The following RIMS3 variants were observed in gnomAD, a reference collection of about 807,000 sequenced individuals.
RIMS3 encodes the protein regulating synaptic membrane exocytosis protein 3.
A neutral mutation model predicts 29.2 loss-of-function variants in RIMS3; 15 were observed. The ratio of observed to expected loss-of-function variants is 0.51; its 90% confidence interval spans 0.34 to 0.79. The LOEUF (loss-of-function observed/expected upper bound fraction) is 0.79. Among genes scored for constraint, RIMS3 ranks in the 30% least tolerant of loss-of-function variants. The pLI is 0.01. For synonymous variants in RIMS3, 161 were observed against 170.1 expected, an observed-to-expected ratio of 0.95 and a Z score of 0.41; for missense variants, 342 against 421.4, an observed-to-expected ratio of 0.81 and a Z score of 1.65.
In RIMS3 at chr1:40,655,732, C is replaced by T. The variant is rs187401307; in HGVS notation, c.-206-7890G>A. On this transcript the variant is annotated intron_variant, in intron 1 of 7. Coordinates refer to ENST00000372684, the MANE Select transcript of RIMS3 (RefSeq NM_014747.3). Reference sequence around the variant, plus strand: ...AATCTACAGACTCCTAGGCTGGGCACGGTGGCTCACGCCTGTAATCCCAAT... The same window carrying T: ...AATCTACAGACTCCTAGGCTGGGCATGGTGGCTCACGCCTGTAATCCCAAT... Among the ~76,000 whole-genome samples the T allele has an allele frequency of 2.1e-3, 316 of 152,332 alleles. 4 individuals are homozygous for T. The South Asian group carries it at 0.026, about 12-fold the overall frequency.
intron 1 of RIMS3, among the ~76,000 whole-genome samples, chr1:40,660,873 A>C (rs1286751795): frequency 6.6e-6 from 1 of 152,168 alleles, no homozygotes; most frequent in Non-Finnish European, 1.5e-5. Context: ...TTGGCAAATC[A>C]GGACCATGAA....
At chr1:40,651,142 T>C (rs1646629756) in intron 1 of RIMS3, among the ~76,000 whole-genome samples, 1 of 152,228 alleles carries the variant, frequency 6.6e-6, no homozygotes, top group Admixed American at 6.5e-5. Context: ...GTTGAGGTTC[T>C]AACCTCCAGT....
At chr1:40,641,667 G>C in intron 3 of RIMS3, 42 bp downstream of exon 3, 1 of 1,589,946 alleles carries the variant, frequency 6.3e-7, no homozygotes, top group Non-Finnish European at 8.6e-7. Flanking sequence ...TCTTTGCGAA[G>C]TGTCCCCCAC....
At chr1:40,669,991 T>C (rs1263216986), upstream of RIMS3, among the ~76,000 whole-genome samples, 1 of 152,054 alleles carries the variant, frequency 6.6e-6, no homozygotes, top group Non-Finnish European at 1.5e-5. Flanking sequence ...TTCACCCACT[T>C]CTCTCCATCC....
chr1:40,680,203 C>T, the RIMS3 span, among the ~76,000 whole-genome samples: 1 of 151,848 alleles, frequency 6.6e-6, no homozygotes, highest in Non-Finnish European at 1.5e-5. Flanking sequence ...AACAAGAAAG[C>T]AAAACCATGC....
Position 40,655,138 on chromosome 1 carries a change from AGCG to A in RIMS3, c.-206-7299_-206-7297del, listed in dbSNP as rs1311472501. Among the ~76,000 whole-genome samples the A allele has an allele frequency of 2.0e-5, 3 of 152,182 alleles. No homozygotes were observed. The East Asian group carries it at 5.8e-4, about 29-fold the overall frequency. On this transcript the variant is annotated intron_variant, in intron 1 of 7. Coordinates refer to ENST00000372684, the MANE Select transcript of RIMS3 (RefSeq NM_014747.3). ...TCCCAGGGACAAGCAGTCAGCACAA[AGCG>A]GTGGACAAAGCGGGGAGTAGGGGAA... is the stretch of plus-strand genomic sequence containing the variant.
Position 40,624,600 on chromosome 1 carries a change from C to A in RIMS3, c.*1917G>T, listed in dbSNP as rs572545488. ...GAGATAGGAGCCTGGGAGCTAACTC[C>A]GTTCATTTCCTTCCTGCCCTTACCC... On this transcript the variant is annotated 3_prime_UTR_variant, in exon 8 of 8. Transcript: ENST00000372684. 4 of 152,296 alleles carry A rather than the reference C, an allele frequency of 2.6e-5. No individual in the cohort carries two copies. The highest frequency in any genetic ancestry group is 2.0e-4 in the Admixed American group (3 of 15,286). 9.4% of individuals were successfully genotyped at this position (152,296 alleles called of 1,614,324 possible). A position where few individuals can be genotyped will look rare whatever the true frequency, so the allele number is the denominator to read the frequency against.
chr1:40,685,155 G>C, the RIMS3 span, among the ~76,000 whole-genome samples: 2 of 151,432 alleles, frequency 1.3e-5, no homozygotes, highest in Non-Finnish European at 2.9e-5. Context: ...GTGGCTAATG[G>C]GGTACAGAAG....
chr1:40,628,206 G>A (rs2148343237), intron 7 of RIMS3, among the ~76,000 whole-genome samples: 1 of 152,338 alleles, frequency 6.6e-6, no homozygotes, highest in South Asian at 2.1e-4. Context: ...TGAGCCCAGA[G>A]ACTGATCCAC....
intron 3 of RIMS3, among the ~76,000 whole-genome samples, chr1:40,639,076 G>A (rs2148348893): frequency 6.6e-6 from 1 of 152,274 alleles, no homozygotes; most frequent in Non-Finnish European, 1.5e-5. Flanking sequence ...AAGAAGGATG[G>A]GCAGAGGTCT....
Position 40,626,577 on chromosome 1 carries a change from G to A in RIMS3, c.867C>T (p.Ser289=), listed in dbSNP as rs761946586. ...TSSVADSTLG[S]LTRRLSQSSL... ...AAGACTGGGACAGGCGCCTGGTGAG[G>A]GATCCGAGTGTGGAGTCTGCCACTG... The change falls in exon 8 of 8, where the codon TCC becomes TCT. Residue 289 remains serine, a synonymous_variant. Coordinates refer to ENST00000372684, the MANE Select transcript of RIMS3 (RefSeq NM_014747.3). 6 of 1,613,842 alleles carry A rather than the reference G, an allele frequency of 3.7e-6. No homozygotes were observed. Among genetic ancestry groups the A allele is most frequent in the Non-Finnish European group, 5.1e-6 (6 of 1,179,956 alleles).
intron 1 of RIMS3, among the ~76,000 whole-genome samples, chr1:40,649,545 A>C (rs1236602969): frequency 1.3e-5 from 2 of 151,996 alleles, no homozygotes; most frequent in African/African-American, 4.8e-5. Flanking sequence ...CACACACCCC[A>C]CCTCTGAGCA....
chr1:40,638,370 C>A (rs1454478858), intron 3 of RIMS3, among the ~76,000 whole-genome samples: 1 of 152,216 alleles, frequency 6.6e-6, no homozygotes, highest in Non-Finnish European at 1.5e-5. Flanking sequence ...TACGATCCCT[C>A]CACTGGCTTC....
At chr1:40,657,561 C>G (rs529156418) in intron 1 of RIMS3, among the ~76,000 whole-genome samples, 1 of 152,132 alleles carries the variant, frequency 6.6e-6, no homozygotes, top group South Asian at 2.1e-4. Flanking sequence ...ATCTGGGCAA[C>G]AGGGTGAAAC....
chr1:40,663,355 G>C (rs966009961), intron 1 of RIMS3, among the ~76,000 whole-genome samples: 3 of 152,252 alleles, frequency 2.0e-5, no homozygotes, highest in East Asian at 3.9e-4. Context: ...GGTGCCCCTG[G>C]AGTGGGAGGA....
chr1:40,662,767 C>T (rs764200642), intron 1 of RIMS3, among the ~76,000 whole-genome samples: 10 of 152,198 alleles, frequency 6.6e-5, no homozygotes, highest in Non-Finnish European at 1.0e-4. Flanking sequence ...ACAGTTAATT[C>T]CCTAACCACA....
chr1:40,663,182 C>G (rs999944888), intron 1 of RIMS3, among the ~76,000 whole-genome samples: 7 of 152,190 alleles, frequency 4.6e-5, no homozygotes, highest in African/African-American at 1.7e-4. Context: ...CCATCGTCAG[C>G]AAAATGCCAG....
upstream of RIMS3, chr1:40,665,742 TG>T (rs1209732539): frequency 6.6e-6 from 1 of 152,314 alleles, no homozygotes; most frequent in East Asian, 1.9e-4. Flanking sequence ...CGGGGCCGCG[TG>T]GATGGGCGGG....
In RIMS3 at chr1:40,621,438, G is replaced by A. The variant is rs185677359; in HGVS notation, c.*5079C>T. On this transcript the variant is annotated 3_prime_UTR_variant, in exon 8 of 8. Transcript: ENST00000372684. ...TAGGATTCCCAGAGTTCTTGTCTGAGGCAGCATCTGGGCATGGACCAGATG... is the reference window on the plus strand; with the variant it reads ...TAGGATTCCCAGAGTTCTTGTCTGAAGCAGCATCTGGGCATGGACCAGATG... The A allele has an allele frequency of 2.6e-4, 39 of 152,336 alleles. No homozygotes were observed. Among genetic ancestry groups the A allele is most frequent in the African/African-American group, 8.9e-4 (37 of 41,564 alleles). 9.4% of individuals were successfully genotyped at this position (152,336 alleles called of 1,614,324 possible).
Sources: allele counts gnomAD v4.1 joint callset (sites outside exome capture counted in the v4.1 genomes callset), GRCh38; gene constraint gnomAD v4.1.1; transcripts MANE v1.5; gene names NCBI Gene and HGNC (gene_info 2026-07-23, HGNC 2026-07-21).